TDRD12: variants seen among roughly 807,000 people sequenced by gnomAD.
The protein encoded by TDRD12 is tudor domain containing 12, also known as putative ATP-dependent RNA helicase TDRD12.
A neutral mutation model predicts 133.5 loss-of-function variants in TDRD12; 158 were observed. The ratio of observed to expected loss-of-function variants is 1.18; its 90% CI spans 1.04 to 1.35. The LOEUF (loss-of-function observed/expected upper bound fraction) is 1.35, where lower values mean the gene tolerates loss of function less well. Ranked by LOEUF, TDRD12 falls within the 40% of genes most tolerant of loss-of-function variation. The pLI, the probability that TDRD12 is intolerant of heterozygous loss-of-function variation, is 0.00. For missense variants in TDRD12, 1,443 were observed against 1,321.3 expected, an observed-to-expected ratio of 1.09 and a Z score of -1.43; for synonymous variants, 460 against 477.9, an observed-to-expected ratio of 0.96 and a Z score of 0.49.
chr19:32,749,099 G>T (rs890952015), intron 5 of TDRD12, among the ~76,000 whole-genome samples: 1 of 152,134 alleles, frequency 6.6e-6, no homozygotes, highest in Non-Finnish European at 1.5e-5. Flanking sequence ...CTGGTGCCTC[G>T]TTGGGTCCTG....
At chr19:32,822,854 T>C (rs1967451776), downstream of TDRD12, among the ~76,000 whole-genome samples, 3 of 152,216 alleles carry the variant, frequency 2.0e-5, no homozygotes. Context: ...CACTGGAATT[T>C]ATCTTCGTGT....
chr19:32,723,891 T>C (rs1460737405), intron 1 of TDRD12, among the ~76,000 whole-genome samples: 1 of 152,194 alleles, frequency 6.6e-6, no homozygotes, highest in Non-Finnish European at 1.5e-5. Flanking sequence ...AGGGTCTTGC[T>C]TTGTTGGCCA....
At chr19:32,759,012 C>G (rs1338141028) in intron 8 of TDRD12, among the ~76,000 whole-genome samples, 1 of 151,912 alleles carries the variant, frequency 6.6e-6, no homozygotes, top group Non-Finnish European at 1.5e-5. Flanking sequence ...GAGACCGACA[C>G]AGGTGGATCA....
rs551289825 is a variant in TDRD12 at position 32,740,814 on chromosome 19, G to A, written c.320+1822G>A. ...TGGTTGTCCTGCTTAAATGAGGGAG[G>A]GTGTGACCATCAATGAGGTTGGGAG... On this transcript the variant is annotated intron_variant, in intron 3 of 27. Transcript: ENST00000444215. Among the ~76,000 whole-genome samples, 6 of 152,270 alleles carry A rather than the reference G, an allele frequency of 3.9e-5. No individual in the cohort carries two copies. In the South Asian group the frequency reaches 1.2e-3, roughly 32 times the overall value.
chr19:32,790,384 C>T (rs1034633305), intron 11 of TDRD12, 147 bp from the exon 12 acceptor site: 2 of 782,664 alleles, frequency 2.6e-6, no homozygotes, highest in Admixed American at 2.9e-5. Flanking sequence ...TCTCATAAAC[C>T]AAGCAGAACA....
intron 4 of TDRD12, among the ~76,000 whole-genome samples, chr19:32,745,607 A>T (rs1458618080): frequency 6.6e-6 from 1 of 152,092 alleles, no homozygotes; most frequent in Non-Finnish European, 1.5e-5. Flanking sequence ...TATTCATGTG[A>T]TTATTGTGTA....
chr19:32,720,221 C>G, intron 1 of TDRD12, 125 bp downstream of exon 1: 2 of 1,066,024 alleles, frequency 1.9e-6, no homozygotes, highest in Non-Finnish European at 2.7e-6. Context: ...CAGCCCCGCA[C>G]AGCCTCCCAC....
Position 32,776,739 on chromosome 19 carries a change from G to A in TDRD12, c.1041-410G>A, listed in dbSNP as rs552571044. Among the ~76,000 whole-genome samples the A allele has an allele frequency of 5.9e-5, 9 of 152,332 alleles. No homozygotes were observed. The South Asian group carries it at 1.9e-3, about 32-fold the overall frequency. On this transcript the variant is annotated intron_variant, in intron 10 of 27. Transcript: ENST00000444215. ...ATCCTGTCCAGCACCACCACCAGAA[G>A]TGTCAGAAATGACTTTTATACTTAA...
intron 5 of TDRD12, among the ~76,000 whole-genome samples, chr19:32,748,917 T>A (rs1969738027): frequency 6.6e-6 from 1 of 152,270 alleles, no homozygotes; most frequent in Non-Finnish European, 1.5e-5. Flanking sequence ...ATATTTATTG[T>A]GTAATATTCA....
At chr19:32,792,407 C>G (rs1414321024) in intron 13 of TDRD12, among the ~76,000 whole-genome samples, 1 of 152,018 alleles carries the variant, frequency 6.6e-6, no homozygotes, top group Non-Finnish European at 1.5e-5. Flanking sequence ...TTTTTTCTCT[C>G]TGGGGATATT....
At chr19:32,720,130 C>T (rs2145388513) in intron 1 of TDRD12, 34 bp downstream of exon 1, 1 of 1,544,182 alleles carries the variant, frequency 6.5e-7, no homozygotes, top group Middle Eastern at 2.1e-4. Flanking sequence ...ACGCCAGACC[C>T]ACGCAGTCCC....
chr19:32,817,285 G>C (rs1007773714), intron 26 of TDRD12, among the ~76,000 whole-genome samples: 2 of 151,900 alleles, frequency 1.3e-5, no homozygotes, highest in Non-Finnish European at 2.9e-5. Flanking sequence ...AATAATTCCA[G>C]AGTCCACCCC....
At chr19:32,795,243 G>A (rs1348204564) in intron 14 of TDRD12, among the ~76,000 whole-genome samples, 1 of 150,194 alleles carries the variant, frequency 6.7e-6, no homozygotes, top group African/African-American at 2.5e-5. Flanking sequence ...TGAGGCAGGA[G>A]AATCACTTGA....
intron 2 of TDRD12, among the ~76,000 whole-genome samples, 198 bp downstream of exon 2, chr19:32,732,081 G>A (rs763179711): frequency 2.6e-5 from 4 of 152,178 alleles, no homozygotes; most frequent in Admixed American, 2.0e-4. Flanking sequence ...TGGGCTCACC[G>A]CAACCTCCGT....
At chr19:32,790,854 C>A in intron 12 of TDRD12, 110 bp from the exon 13 acceptor site, 1 of 1,451,722 alleles carries the variant, frequency 6.9e-7, no homozygotes, top group Non-Finnish European at 9.1e-7. Context: ...GCATATATAC[C>A]CAGGTGTTTA....
chr19:32,791,507 AT>A (rs1232854871), intron 13 of TDRD12, among the ~76,000 whole-genome samples: 2 of 152,184 alleles, frequency 1.3e-5, no homozygotes, highest in South Asian at 2.1e-4. Context: ...TTAAAAAAAA[AT>A]TTTTTTTAAG....
chr19:32,777,215 G>C, exon 11 of TDRD12: 1 of 1,535,940 alleles, frequency 6.5e-7, no homozygotes, highest in Non-Finnish European at 8.8e-7. Context: ...ATGATGAGAA[G>C]AATAGCTGTG....
chr19:32,761,468 C>G lies in TDRD12; in HGVS notation c.865+4338C>G, dbSNP rs181553411. On this transcript the variant is annotated intron_variant, in intron 8 of 27. Coordinates refer to ENST00000444215, the Ensembl canonical transcript of TDRD12. ...TTTAGTCTTTCCTCTGGAACATTTC[C>G]TGGGTCTCCTTGATTTTCATGACCT... is the stretch of plus-strand genomic sequence containing the variant. 9.9e-4 allele frequency among the ~76,000 whole-genome samples: 150 copies of G among 152,186 alleles called. 1 individual carries two copies. Among genetic ancestry groups the G allele is most frequent in the African/African-American group, 3.3e-3 (139 of 41,538 alleles).
chr19:32,803,109 T>G, exon 21 of TDRD12: 1 of 1,533,740 alleles, frequency 6.5e-7, no homozygotes, highest in Admixed American at 2.0e-5. Flanking sequence ...GGAAGGCCTC[T>G]TTGTCCATAT....
Sources: allele counts gnomAD v4.1 joint callset (sites outside exome capture counted in the v4.1 genomes callset), GRCh38; gene constraint gnomAD v4.1.1; transcripts MANE v1.5; gene names NCBI Gene and HGNC (gene_info 2026-07-23, HGNC 2026-07-21).